Variants in TEC observed in about 807,000 individuals in gnomAD.
The protein encoded by TEC is tyrosine-protein kinase Tec.
Under a neutral mutation model 93.0 loss-of-function variants are expected in TEC, and 72 were observed. That is an observed-to-expected ratio of 0.77 (90% CI 0.64 to 0.94). The LOEUF is 0.94. Ranked by LOEUF, TEC falls within the 40% of genes least tolerant of loss-of-function variation. The pLI, the probability that TEC is intolerant of heterozygous loss-of-function variation, is 0.00. For synonymous variants in TEC, 249 were observed against 247.7 expected, an observed-to-expected ratio of 1.01 and a Z score of -0.05; for missense variants, 630 against 757.9, an observed-to-expected ratio of 0.83 and a Z score of 1.98.
chr4:48,174,381 C>T (rs950071646), intron 3 of TEC, among the ~76,000 whole-genome samples: 6 of 152,068 alleles, frequency 3.9e-5, no homozygotes, highest in Non-Finnish European at 8.8e-5. Flanking sequence ...GTAGGAGGCC[C>T]GGTGCAGTGG....
chr4:48,190,816 C>T (rs370911726), intron 2 of TEC, among the ~76,000 whole-genome samples: 2 of 152,120 alleles, frequency 1.3e-5, no homozygotes, highest in East Asian at 3.8e-4. Flanking sequence ...AAAAATGTTA[C>T]CCTAAATATA....
At chr4:48,267,584 G>C (rs925616328) in intron 1 of TEC, among the ~76,000 whole-genome samples, 3 of 152,126 alleles carry the variant, frequency 2.0e-5, no homozygotes, top group Non-Finnish European at 4.4e-5. Flanking sequence ...ATTTATGATC[G>C]TAATTAGTCC....
chr4:48,194,301 GCATGCA>G (rs1722210152), intron 2 of TEC, among the ~76,000 whole-genome samples: 1 of 152,202 alleles, frequency 6.6e-6, no homozygotes, highest in African/African-American at 2.4e-5. Flanking sequence ...GGGCACAGAG[GCATGCA>G]CACAATTATG....
chr4:48,189,633 T>G (rs528534263), intron 2 of TEC, among the ~76,000 whole-genome samples: 1 of 152,322 alleles, frequency 6.6e-6, no homozygotes, highest in African/African-American at 2.4e-5. Context: ...AATAAGAATT[T>G]ACGTGAAACT....
In TEC at chr4:48,182,518, G is replaced by C. The variant is rs528516333; in HGVS notation, c.139-6332C>G. On this transcript the variant is annotated intron_variant, in intron 2 of 17. Transcript: ENST00000381501. ...ACAGTGTGCTGACCCAGTATGCAAA[G>C]GACCATGGGCAATACTCTGTGTGTG... is the stretch of plus-strand genomic sequence containing the variant. Among the ~76,000 whole-genome samples the C allele has an allele frequency of 4.1e-5, 6 of 145,070 alleles. No individual in the cohort carries two copies. In the East Asian group the frequency reaches 1.2e-3, roughly 29 times the overall value.
At chr4:48,249,726 A>T (rs1383662136) in intron 1 of TEC, among the ~76,000 whole-genome samples, 1 of 152,220 alleles carries the variant, frequency 6.6e-6, no homozygotes, top group Non-Finnish European at 1.5e-5. Flanking sequence ...TCAGATTACT[A>T]TAACTAAGAA....
Position 48,175,998 on chromosome 4 carries a change from A to G in TEC, c.243+84T>C, listed in dbSNP as rs1464986339. 4.3e-6 allele frequency: 4 copies of G among 925,388 alleles called. No homozygotes were observed. The African/African-American group carries it at 5.6e-5, about 13-fold the overall frequency. The allele number at this position is 925,388 out of a possible 1,614,324, so 57.3% of individuals were successfully genotyped here. ...CAAATGAACCTACAAATCAGCCAGCAAAGCAAGGACAGGAAACTGTAATGT... is the reference window on the plus strand; with the variant it reads ...CAAATGAACCTACAAATCAGCCAGCGAAGCAAGGACAGGAAACTGTAATGT... On this transcript the variant is annotated intron_variant, in intron 3 of 17. Coordinates refer to ENST00000381501, the MANE Select transcript of TEC (RefSeq NM_003215.3).
At chr4:48,139,096 T>A in intron 15 of TEC, 74 bp from the exon 16 acceptor site, 2 of 1,334,770 alleles carry the variant, frequency 1.5e-6, no homozygotes, top group Non-Finnish European at 2.1e-6. Flanking sequence ...TTCATTTTTT[T>A]CCCCTTGCAA....
chr4:48,264,419 T>A lies in TEC; in HGVS notation c.-46+5333A>T, dbSNP rs375526062. Among the ~76,000 whole-genome samples, 4 of 152,344 alleles carry A rather than the reference T, an allele frequency of 2.6e-5. No individual in the cohort carries two copies. In the East Asian group the frequency reaches 7.7e-4, roughly 29 times the overall value. On this transcript the variant is annotated intron_variant, in intron 1 of 17. Coordinates refer to ENST00000381501, the MANE Select transcript of TEC (RefSeq NM_003215.3). ...GTACACAAACAGCATGGAGGGGTTA[T>A]ATGCACATCTACATACTGGATGCTG...
chr4:48,243,084 C>T (rs188403990), intron 1 of TEC, among the ~76,000 whole-genome samples: 166 of 152,214 alleles, frequency 1.1e-3, no homozygotes, highest in African/African-American at 3.7e-3. Flanking sequence ...CAGGCCTGTA[C>T]CTTTTGATAT....
In TEC at chr4:48,145,402, A is replaced by G; in HGVS notation, c.1253+6T>C. On this transcript the variant is annotated splice_donor_region_variant and intron_variant, in intron 13 of 17. Coordinates refer to ENST00000381501, the MANE Select transcript of TEC (RefSeq NM_003215.3). The stretch of plus-strand genomic sequence containing the variant: ...AAGATGAGCCAGAAAGATGATAGCA[A>G]CTTACATCATCACTTTAGCTTCTTC... The G allele has an allele frequency of 6.2e-7, 1 of 1,614,056 alleles. No homozygotes were observed. The highest frequency in any genetic ancestry group is 8.5e-7 in the Non-Finnish European group (1 of 1,179,930).
At chr4:48,186,104 C>T (rs776775086) in intron 2 of TEC, among the ~76,000 whole-genome samples, 6 of 152,366 alleles carry the variant, frequency 3.9e-5, no homozygotes, top group Non-Finnish European at 7.3e-5. Context: ...AGTGATCTGC[C>T]TGCCTCGGCC....
intron 2 of TEC, among the ~76,000 whole-genome samples, chr4:48,179,372 ATATATTTT>A (rs1405535703): frequency 1.7e-3 from 47 of 26,954 alleles, no homozygotes; most frequent in African/African-American, 6.5e-3. Context: ...ATATATATAT[ATATATTTT>A]TTTTTTTTTT....
chr4:48,263,091 T>A (rs1199349885), intron 1 of TEC, among the ~76,000 whole-genome samples: 3 of 152,084 alleles, frequency 2.0e-5, no homozygotes, highest in Admixed American at 2.0e-4. Flanking sequence ...ACTCAACTGA[T>A]GAAATGACGT....
At chr4:48,230,756 C>A (rs1723623154) in intron 1 of TEC, among the ~76,000 whole-genome samples, 1 of 152,206 alleles carries the variant, frequency 6.6e-6, no homozygotes, top group African/African-American at 2.4e-5. Flanking sequence ...ACACTCCAAT[C>A]AAAATAGTCT....
intron 2 of TEC, among the ~76,000 whole-genome samples, chr4:48,178,337 C>T (rs1055885310): frequency 1.3e-5 from 2 of 152,172 alleles, no homozygotes; most frequent in Non-Finnish European, 2.9e-5. Flanking sequence ...TTCTGCAGTT[C>T]AAGAAAATGC....
rs186869233 is a variant in TEC at position 48,164,440 on chromosome 4, T to G, written c.672-673A>C. On this transcript the variant is annotated intron_variant, in intron 7 of 17. Transcript: ENST00000381501. ...AATTTAAGATGCACTCTTATGTAAG[T>G]AGGAGCTAAGGTTTTCAGCATAAGA... Among the ~76,000 whole-genome samples, 80 of 152,262 alleles carry G rather than the reference T, an allele frequency of 5.3e-4. 1 individual carries two copies. In the East Asian group the frequency reaches 0.013, roughly 24 times the overall value.
chr4:48,145,360 C>G, intron 13 of TEC, 48 bp downstream of exon 13: 2 of 1,611,782 alleles, frequency 1.2e-6, no homozygotes, highest in Non-Finnish European at 1.7e-6. Context: ...TGGTAAGGGG[C>G]CACTTCTTAA....
chr4:48,180,273 T>C (rs1721531372), intron 2 of TEC, among the ~76,000 whole-genome samples: 2 of 152,258 alleles, frequency 1.3e-5, no homozygotes, highest in South Asian at 4.1e-4. Flanking sequence ...CAGGTTCACA[T>C]GTAAGTTGAT....
Sources: allele counts gnomAD v4.1 joint callset (sites outside exome capture counted in the v4.1 genomes callset), GRCh38; gene constraint gnomAD v4.1.1; transcripts MANE v1.5; gene names NCBI Gene and HGNC (gene_info 2026-07-23, HGNC 2026-07-21).